The following SDK1 variants were observed in gnomAD, a reference collection of about 807,000 sequenced individuals.
SDK1 encodes the protein sidekick cell adhesion molecule 1.
A neutral mutation model predicts 245.5 loss-of-function variants in SDK1; 157 were observed. That is an observed-to-expected ratio of 0.64 (90% CI 0.56 to 0.73). The LOEUF is 0.73. SDK1 is among the 30% of genes least tolerant of loss of function. The pLI, the probability that SDK1 is intolerant of heterozygous loss-of-function variation, is 0.00. For synonymous variants in SDK1, 1,647 were observed against 1,278.5 expected (o/e 1.29, Z -6.15); for missense variants, 3,583 against 3,002.3 (o/e 1.19, Z -4.52).
intron 5 of SDK1, among the ~76,000 whole-genome samples, chr7:3,839,347 C>G (rs569867837): frequency 6.6e-5 from 10 of 152,186 alleles, no homozygotes; most frequent in African/African-American, 2.2e-4. Context: ...AATCCCCTTG[C>G]GAGCCAGAGA....
At chr7:3,524,788 T>C (rs766340812) in intron 1 of SDK1, among the ~76,000 whole-genome samples, 3 of 152,188 alleles carry the variant, frequency 2.0e-5, no homozygotes, top group African/African-American at 7.2e-5. Flanking sequence ...TCTGGAGTTA[T>C]ACTCTGTAGA....
chr7:3,665,722 A>T (rs1200812218), intron 4 of SDK1, among the ~76,000 whole-genome samples: 2 of 152,130 alleles, frequency 1.3e-5, no homozygotes, highest in Non-Finnish European at 2.9e-5. Context: ...GCTTTCTCTC[A>T]CGTGGATCCT....
At chr7:3,775,393 C>G (rs904228564) in intron 4 of SDK1, among the ~76,000 whole-genome samples, 1 of 151,586 alleles carries the variant, frequency 6.6e-6, no homozygotes, top group Non-Finnish European at 1.5e-5. Flanking sequence ...TGTTTTGTTG[C>G]CTTCTCAACT....
At chr7:3,641,727 C>G (rs1004025633) in intron 3 of SDK1, among the ~76,000 whole-genome samples, 2 of 152,220 alleles carry the variant, frequency 1.3e-5, no homozygotes, top group Non-Finnish European at 2.9e-5. Flanking sequence ...GACCATGTGG[C>G]TTTGCTGAGG....
intron 1 of SDK1, among the ~76,000 whole-genome samples, chr7:3,384,699 A>G: frequency 6.6e-6 from 1 of 152,330 alleles, no homozygotes; most frequent in African/African-American, 2.4e-5. Context: ...CAGCATTCAA[A>G]TGCAGCAGGC....
chr7:3,448,196 C>G (rs1780405354), intron 1 of SDK1, among the ~76,000 whole-genome samples: 1 of 152,058 alleles, frequency 6.6e-6, no homozygotes, highest in South Asian at 2.1e-4. Flanking sequence ...TGTTATCACT[C>G]TTTAAGCAAA....
chr7:4,121,993 G>T (rs1002154532), intron 25 of SDK1, among the ~76,000 whole-genome samples: 13 of 152,114 alleles, frequency 8.5e-5, no homozygotes, highest in African/African-American at 2.9e-4. Context: ...TCAGATTCTG[G>T]ACATGTTGAA....
intron 39 of SDK1, 54 bp from the exon 40 acceptor site, chr7:4,221,185 A>C (rs1785134186): frequency 6.2e-7 from 1 of 1,602,080 alleles, no homozygotes; most frequent in African/African-American, 1.3e-5. Context: ...ACGGGGTGGG[A>C]TGTGAGCCCC....
At chr7:4,097,563 C>T (rs1181196108) in intron 22 of SDK1, among the ~76,000 whole-genome samples, 2 of 152,186 alleles carry the variant, frequency 1.3e-5, no homozygotes, top group South Asian at 2.1e-4. Context: ...AGTTTCCAAC[C>T]TTGATTGACT....
At chr7:4,130,435 G>T in intron 27 of SDK1, 1 of 294,248 alleles carries the variant, frequency 3.4e-6, no homozygotes, top group Non-Finnish European at 6.3e-6. Flanking sequence ...CACACACTTC[G>T]TGTAGTGCCC....
At chr7:3,755,299 G>T (rs574666412) in intron 4 of SDK1, among the ~76,000 whole-genome samples, 5 of 152,140 alleles carry the variant, frequency 3.3e-5, no homozygotes, top group Non-Finnish European at 7.3e-5. Flanking sequence ...GTTGGGGAGC[G>T]AAAATAGGGA....
chr7:4,138,472 A>C (rs622731), intron 28 of SDK1, among the ~76,000 whole-genome samples: 1 of 151,870 alleles, frequency 6.6e-6, no homozygotes, highest in Non-Finnish European at 1.5e-5. Context: ...AAGGCCAGGC[A>C]TGGTGGCTCA....
intron 1 of SDK1, among the ~76,000 whole-genome samples, chr7:3,455,570 G>A (rs1237294073): frequency 2.0e-5 from 3 of 151,884 alleles, no homozygotes; most frequent in East Asian, 1.9e-4. Context: ...TTTTTCATCC[G>A]TGTAAAAAAT....
At chr7:3,670,497 T>C (rs190903902) in intron 4 of SDK1, among the ~76,000 whole-genome samples, 1 of 152,340 alleles carries the variant, frequency 6.6e-6, no homozygotes, top group Admixed American at 6.5e-5. Flanking sequence ...AACCTATGCA[T>C]CAGTGTTCTC....
At chr7:3,821,695 A>G in intron 5 of SDK1, 112 bp downstream of exon 5, 1 of 1,178,916 alleles carries the variant, frequency 8.5e-7, no homozygotes, top group African/African-American at 1.5e-5. Context: ...CTAGTGTAGT[A>G]GTTACGGTTT....
At chr7:3,721,737 G>A (rs1246208009) in intron 4 of SDK1, among the ~76,000 whole-genome samples, 1 of 152,166 alleles carries the variant, frequency 6.6e-6, no homozygotes, top group African/African-American at 2.4e-5. Flanking sequence ...TTAAGAAAGA[G>A]GAAGAGGAGA....
Position 3,522,900 on chromosome 7 carries a change from TAAATTC to T in SDK1, c.299-96176_299-96171del, listed in dbSNP as rs147740249. 1.2e-3 allele frequency among the ~76,000 whole-genome samples: 176 copies of T among 152,388 alleles called. 2 individuals are homozygous for T. In the East Asian group the frequency reaches 0.02, roughly 18 times the overall value. ...GTCTGCGGAGATCTGATTAGTTTGT[TAAATTC>T]AAAGTAGCATTTTAGACATGATTTC... On this transcript the variant is annotated intron_variant, in intron 1 of 44. Coordinates refer to ENST00000404826, the MANE Select transcript of SDK1 (RefSeq NM_152744.4).
At chr7:3,427,052 A>G (rs1361738131) in intron 1 of SDK1, among the ~76,000 whole-genome samples, 1 of 152,228 alleles carries the variant, frequency 6.6e-6, no homozygotes, top group Non-Finnish European at 1.5e-5. Flanking sequence ...ACAGTGATGC[A>G]GGACTGTAAC....
chr7:3,916,148 G>C (rs942145362), intron 5 of SDK1, among the ~76,000 whole-genome samples: 2 of 152,178 alleles, frequency 1.3e-5, no homozygotes, highest in African/African-American at 2.4e-5. Flanking sequence ...AGTAGCGGGG[G>C]GTGGGAAAGA....
Sources: allele counts gnomAD v4.1 joint callset (sites outside exome capture counted in the v4.1 genomes callset), GRCh38; gene constraint gnomAD v4.1.1; transcripts MANE v1.5; gene names NCBI Gene and HGNC (gene_info 2026-07-23, HGNC 2026-07-21).